DMAC2L: variants seen among roughly 807,000 people sequenced by gnomAD.
The protein encoded by DMAC2L is ATP synthase subunit s, mitochondrial.
A neutral mutation model predicts 22.5 loss-of-function variants in DMAC2L; 21 were observed. The observed-to-expected ratio is 0.93, with a 90% CI of 0.66 to 1.34. DMAC2L has a LOEUF of 1.34. Ranked by LOEUF, DMAC2L falls within the 40% of genes most tolerant of loss-of-function variation. The probability of loss-of-function intolerance (pLI) is 0.00; values close to 1 mark genes in which losing one functional copy is unlikely to be tolerated. For synonymous variants in DMAC2L, 86 were observed against 89.5 expected, an observed-to-expected ratio of 0.96 and a Z score of 0.22; for missense variants, 239 against 246.5, an observed-to-expected ratio of 0.97 and a Z score of 0.20.
At chr14:50,315,331 G>A (rs61981878) in intron 2 of DMAC2L, among the ~76,000 whole-genome samples, 77,353 of 151,520 alleles carry the variant, frequency 0.51, 20,065 homozygotes, top group East Asian at 0.62. Context: ...AAGAACATAC[G>A]ATGTTTGGTT....
chr14:50,312,338 GCCGCAGACGCGGGGACGCTGGCTCGCTC>G lies in DMAC2L; in HGVS notation c.-90_-63del. 2 of 768,472 alleles carry G rather than the reference GCCGCAGACGCGGGGACGCTGGCTCGCTC, an allele frequency of 2.6e-6. No individual in the cohort carries two copies. The highest frequency in any genetic ancestry group is 4.1e-6 in the Non-Finnish European group (2 of 485,178). 47.6% of individuals were successfully genotyped at this position (768,472 alleles called of 1,614,324 possible). On this transcript the variant is annotated 5_prime_UTR_variant, in exon 1 of 6. Coordinates refer to ENST00000557421, the MANE Select transcript of DMAC2L (RefSeq NM_001382507.1). The stretch of plus-strand genomic sequence containing the variant: ...CGGAGGGCGAAGGGCCGGCCAGGGT[GCCGCAGACGCGGGGACGCTGGCTCGCTC>G]CCTCCCTCCCTCCCTCCGACGCTGT...
intron 2 of DMAC2L, among the ~76,000 whole-genome samples, chr14:50,316,691 A>G (rs969661413): frequency 1.3e-5 from 2 of 152,096 alleles, no homozygotes; most frequent in African/African-American, 4.8e-5. Flanking sequence ...TTTGTTGAAG[A>G]TCAGTTGGCT....
intron 2 of DMAC2L, chr14:50,319,256 AG>A: frequency 6.5e-7 from 1 of 1,536,112 alleles, no homozygotes; most frequent in South Asian, 1.2e-5. Flanking sequence ...AGTGGAGCAG[AG>A]GCTTGCAGTA....
rs1389457332 is a variant in DMAC2L, at chr14:50,323,960, T to C, written c.332T>C (p.Val111Ala). The C allele has an allele frequency of 1.9e-6, 3 of 1,610,910 alleles. No individual in the cohort carries two copies. Among genetic ancestry groups the C allele is most frequent in the African/African-American group, 1.3e-5 (1 of 74,654 alleles). ...GFDHMEGLEHVEKIRLCKCHY... is the reference protein window; with the variant it reads ...GFDHMEGLEHAEKIRLCKCHY... ...TTCTCCCCAGAGGGCCTAGAGCATG[T>C]TGAAAAAATAAGGCTGTGCAAGTGT... The change falls in exon 5 of 6, where the codon GTT becomes GCT. Residue 111 changes from valine (V) to alanine (A), a missense_variant. By Grantham distance (64) the Val-to-Ala change is moderately conservative. Transcript: ENST00000557421.
At position 50,324,023 on chromosome 14, in the gene DMAC2L, A is replaced by T. The variant is rs1286541634; in HGVS notation, c.395A>T (p.Gln132Leu). 6 of 1,614,116 alleles carry T rather than the reference A, an allele frequency of 3.7e-6. No homozygotes were observed. The highest frequency in any genetic ancestry group is 2.2e-5 in the East Asian group (1 of 44,878). The change falls in exon 5 of 6, where the codon CAA becomes CTA. Residue 132 changes from glutamine to leucine, a missense_variant. Transcript: ENST00000557421. ...IEDDCLLRLS[Q>L]LENLQKTILE... ...GATGACTGTTTGCTGAGACTTAGTC[A>T]ACTTGAAAATTTACAAAAAACCATA... is the stretch of plus-strand genomic sequence containing the variant.
Position 50,324,126 on chromosome 14 carries a change from C to G in DMAC2L, c.488+10C>G. The G allele has an allele frequency of 6.3e-7, 1 of 1,594,846 alleles. No individual in the cohort carries two copies. The highest frequency in any genetic ancestry group is 8.5e-7 in the Non-Finnish European group (1 of 1,170,640). On this transcript the variant is annotated intron_variant, in intron 5 of 5. Coordinates refer to ENST00000557421, the MANE Select transcript of DMAC2L (RefSeq NM_001382507.1). Reference sequence around the variant, plus strand: ...CTTTGCGTCATTTAAGGTAGATGATCAAAGCCAAAGTGGAAACTTGATAAT... The same window carrying G: ...CTTTGCGTCATTTAAGGTAGATGATGAAAGCCAAAGTGGAAACTTGATAAT...
chr14:50,325,099 G>C (rs181535555), intron 5 of DMAC2L, among the ~76,000 whole-genome samples: 7 of 150,594 alleles, frequency 4.6e-5, no homozygotes, highest in African/African-American at 1.7e-4. Flanking sequence ...TCAAATCCCT[G>C]TGTTAGAGAT....
chr14:50,314,754 G>A, intron 2 of DMAC2L, 128 bp downstream of exon 2: 4 of 401,884 alleles, frequency 1.0e-5, no homozygotes, highest in Non-Finnish European at 2.0e-5. Context: ...CAATTCTCCT[G>A]CCTCAGCCTC....
At position 50,326,767 on chromosome 14, in the gene DMAC2L, G is replaced by A. The variant is rs568533881; in HGVS notation, c.*1044G>A. On this transcript the variant is annotated 3_prime_UTR_variant, in exon 6 of 6. Coordinates refer to ENST00000557421, the MANE Select transcript of DMAC2L (RefSeq NM_001382507.1). ...AACCTAACATTGCTTTAGGCTGGGT[G>A]CCGTGGCTCGTGCCTGTAATCCCAG... The A allele has an allele frequency of 4.1e-6, 4 of 985,206 alleles. No homozygotes were observed. In the African/African-American group the frequency reaches 7.0e-5, roughly 17 times the overall value. 61.0% of individuals were successfully genotyped at this position (985,206 alleles called of 1,614,324 possible).
intron 2 of DMAC2L, among the ~76,000 whole-genome samples, chr14:50,316,368 C>CT (rs1257704681): frequency 6.6e-6 from 1 of 152,198 alleles, no homozygotes; most frequent in East Asian, 1.9e-4. Flanking sequence ...GTTTACTCTG[C>CT]TGACTGTTCC....
rs962813004 is a variant in DMAC2L at position 50,326,700 on chromosome 14, G to C, written c.*977G>C. ...TTTTGCAGATTGCAATATAATAAAGGAAACAGTAAAAACTAGTGGGCTATG... is the reference window on the plus strand; with the variant it reads ...TTTTGCAGATTGCAATATAATAAAGCAAACAGTAAAAACTAGTGGGCTATG... On this transcript the variant is annotated 3_prime_UTR_variant, in exon 6 of 6. Coordinates refer to ENST00000557421, the MANE Select transcript of DMAC2L (RefSeq NM_001382507.1). 5 of 985,250 alleles carry C rather than the reference G, an allele frequency of 5.1e-6. No individual in the cohort carries two copies. In the African/African-American group the frequency reaches 8.7e-5, roughly 17 times the overall value. The allele number at this position is 985,250 out of a possible 1,614,324, so 61.0% of individuals were successfully genotyped here. A position where few individuals can be genotyped will look rare whatever the true frequency, so the allele number is the denominator to read the frequency against.
upstream of DMAC2L, among the ~76,000 whole-genome samples, chr14:50,311,844 T>C (rs1358170432): frequency 3.3e-5 from 5 of 152,302 alleles, no homozygotes; most frequent in East Asian, 1.9e-4. Context: ...ATACAACGAA[T>C]GAACCTGCAG....
chr14:50,322,388 A>C, intron 3 of DMAC2L, 123 bp from the exon 4 acceptor site: 3 of 1,108,562 alleles, frequency 2.7e-6, no homozygotes, highest in Non-Finnish European at 3.7e-6. Context: ...TCACTAATTT[A>C]TCTTCCTCGT....
chr14:50,311,655 G>A (rs781136130), upstream of DMAC2L, among the ~76,000 whole-genome samples: 1 of 152,212 alleles, frequency 6.6e-6, no homozygotes, highest in African/African-American at 2.4e-5. Context: ...TATACTGTGT[G>A]CTAGGTCCTT....
chr14:50,320,395 C>T (rs972294595), intron 2 of DMAC2L, among the ~76,000 whole-genome samples: 1 of 152,178 alleles, frequency 6.6e-6, no homozygotes, highest in Non-Finnish European at 1.5e-5. Flanking sequence ...GTTCAGAAAC[C>T]TCGGTGACTC....
chr14:50,318,909 C>A, intron 2 of DMAC2L: 1 of 461,298 alleles, frequency 2.2e-6, no homozygotes, highest in Non-Finnish European at 2.8e-6. Context: ...GGTCAGGAAC[C>A]TTGTCTTTCT....
intron 2 of DMAC2L, among the ~76,000 whole-genome samples, chr14:50,320,150 C>G (rs1967921): frequency 0.59 from 89,215 of 151,434 alleles, 26,275 homozygotes; most frequent in East Asian, 0.77. Flanking sequence ...GGAGTGCAGT[C>G]TGGTACAATC....
At chr14:50,319,180 A>C in intron 2 of DMAC2L, 1 of 1,535,396 alleles carries the variant, frequency 6.5e-7, no homozygotes, top group Non-Finnish European at 8.7e-7. Flanking sequence ...AGAGTTATTC[A>C]AGGTGGGCAC....
Position 50,324,067 on chromosome 14 carries a change from T to A in DMAC2L, c.439T>A (p.Ser147Thr). Residue 147 changes from serine (S) to threonine (T), a missense_variant, in exon 5 of 6, where the codon TCC becomes ACC. Ser to Thr is a moderately conservative substitution (Grantham distance 58). Transcript: ENST00000557421. ...AACCATATTGGAAATGGAAATAATA[T>A]CCTGTGGGAATATCACAGACAAAGG... ...QKTILEMEIISCGNITDKGII... is the reference protein window; with the variant it reads ...QKTILEMEIITCGNITDKGII... The A allele has an allele frequency of 3.1e-6, 5 of 1,613,960 alleles. No individual in the cohort carries two copies. The South Asian group carries it at 5.5e-5, about 18-fold the overall frequency.
Sources: allele counts gnomAD v4.1 joint callset (sites outside exome capture counted in the v4.1 genomes callset), GRCh38; gene constraint gnomAD v4.1.1; transcripts MANE v1.5; gene names NCBI Gene and HGNC (gene_info 2026-07-23, HGNC 2026-07-21).